Variants in ANKH observed in about 807,000 individuals in gnomAD.
ANKH encodes mineralization regulator ANKH.
Under a neutral mutation model 49.0 loss-of-function variants are expected in ANKH, and 15 were observed. The ratio of observed to expected loss-of-function variants is 0.31; its 90% CI spans 0.20 to 0.47. The LOEUF is 0.47. Among genes scored for constraint, ANKH ranks in the 20% least tolerant of loss-of-function variants. ANKH has a pLI of 1.00. For synonymous variants in ANKH, 273 were observed against 260.0 expected (o/e 1.05, Z -0.48); for missense variants, 429 against 652.0 (o/e 0.66, Z 3.72).
chr5:14,798,235 G>C, intron 1 of ANKH: 1 of 1,597,144 alleles, frequency 6.3e-7, no homozygotes, highest in Non-Finnish European at 8.5e-7. Flanking sequence ...TTCCCTTCTG[G>C]TCTGGTTACA....
At chr5:14,740,646 A>G (rs1334473315) in intron 8 of ANKH, among the ~76,000 whole-genome samples, 2 of 152,202 alleles carry the variant, frequency 1.3e-5, no homozygotes, top group Non-Finnish European at 2.9e-5. Context: ...GTGACAATCT[A>G]ATTAGGTGTT....
chr5:14,765,342 A>G (rs1739226612), intron 2 of ANKH, among the ~76,000 whole-genome samples: 1 of 152,224 alleles, frequency 6.6e-6, no homozygotes, highest in African/African-American at 2.4e-5. Flanking sequence ...ACTCTTGTCC[A>G]GTGGATCTTC....
At chr5:14,853,364 C>A (rs1742168334) in intron 1 of ANKH, among the ~76,000 whole-genome samples, 1 of 152,070 alleles carries the variant, frequency 6.6e-6, no homozygotes, top group South Asian at 2.1e-4. Flanking sequence ...TCACTTGAGC[C>A]CTGGGGCTTG....
chr5:14,842,322 C>A (rs1234140905), intron 1 of ANKH, among the ~76,000 whole-genome samples: 1 of 152,076 alleles, frequency 6.6e-6, no homozygotes, highest in African/African-American at 2.4e-5. Flanking sequence ...ATAAGCAAAC[C>A]ACATCAAAGG....
intron 1 of ANKH, among the ~76,000 whole-genome samples, chr5:14,793,023 T>TATATATATAAAAAAATATATATATAA (rs1385758620): frequency 1.1e-4 from 7 of 66,586 alleles, no homozygotes; most frequent in South Asian, 4.3e-4. Flanking sequence ...TATATATAAA[T>TATATATATAAAAAAATATATATATAA]ATATATATAT....
Position 14,843,640 on chromosome 5 carries a change from G to C in ANKH, c.96+27712C>G, listed in dbSNP as rs546084465. Among the ~76,000 whole-genome samples, 3 of 151,060 alleles carry C rather than the reference G, an allele frequency of 2.0e-5. No individual in the cohort carries two copies. In the South Asian group the frequency reaches 6.3e-4, roughly 32 times the overall value. ...AACCAGGGCAGACTAACAGACCCTG[G>C]TCAGAATATAGAACCTGAGCAAGAA... On this transcript the variant is annotated intron_variant, in intron 1 of 11. Coordinates refer to ENST00000284268, the MANE Select transcript of ANKH (RefSeq NM_054027.6).
intron 8 of ANKH, among the ~76,000 whole-genome samples, chr5:14,720,483 T>C (rs1737624559): frequency 6.6e-6 from 1 of 152,176 alleles, no homozygotes; most frequent in Non-Finnish European, 1.5e-5. Context: ...ACACTCAGCA[T>C]GGAGTTGGAA....
chr5:14,830,519 GTGTGTGTGTGTGTGTGTGTC>G (rs1232013891), intron 1 of ANKH, among the ~76,000 whole-genome samples: 1 of 151,530 alleles, frequency 6.6e-6, no homozygotes, highest in African/African-American at 2.4e-5. Flanking sequence ...GAGTGTGTGT[GTGTGTGTGTGTGTGTGTGTC>G]TGTGTGTGTG....
At chr5:14,839,823 TTG>T (rs896209879) in intron 1 of ANKH, among the ~76,000 whole-genome samples, 27 of 152,330 alleles carry the variant, frequency 1.8e-4, no homozygotes, top group African/African-American at 5.5e-4. Context: ...ACAGTATTTA[TTG>T]TGATGTGGGA....
rs770141327 is a variant in ANKH, at chr5:14,793,019, T to A, written c.97-23828A>T. On this transcript the variant is annotated intron_variant, in intron 1 of 11. Coordinates refer to ENST00000284268, the MANE Select transcript of ANKH (RefSeq NM_054027.6). ...ATATATATATATAAATATATATATA[T>A]AAATATATATATATAAAAATATATA... Among the ~76,000 whole-genome samples the A allele has an allele frequency of 1.3e-3, 101 of 79,094 alleles. 1 individual carries two copies. The highest frequency in any genetic ancestry group is 5.6e-3 in the Middle Eastern group (1 of 180). 51.9% of individuals were successfully genotyped at this position (79,094 alleles called of 152,430 possible). A position where few individuals can be genotyped will look rare whatever the true frequency, so the allele number is the denominator to read the frequency against.
rs998120192 is a variant in ANKH, at chr5:14,706,578, G to T, written c.*4619C>A. 7.2e-5 allele frequency: 11 copies of T among 152,188 alleles called. No homozygotes were observed. The highest frequency in any genetic ancestry group is 1.3e-4 in the Non-Finnish European group (9 of 68,040). 9.4% of individuals were successfully genotyped at this position (152,188 alleles called of 1,614,324 possible). A position where few individuals can be genotyped will look rare whatever the true frequency, so the allele number is the denominator to read the frequency against. On this transcript the variant is annotated 3_prime_UTR_variant, in exon 12 of 12. Coordinates refer to ENST00000284268, the MANE Select transcript of ANKH (RefSeq NM_054027.6). ...TACTATATATTTGTGACTTTTCTGA[G>T]TGGAGTTTGGGTTATTTTGATTCCA...
Position 14,710,754 on chromosome 5 carries a change from CAAAG to C in ANKH, c.*439_*442del. The C allele has an allele frequency of 5.0e-6, 1 of 198,040 alleles. No individual in the cohort carries two copies. Among genetic ancestry groups the C allele is most frequent in the Non-Finnish European group, 1.1e-5 (1 of 95,044 alleles). 12.3% of individuals were successfully genotyped at this position (198,040 alleles called of 1,614,324 possible). On this transcript the variant is annotated 3_prime_UTR_variant, in exon 12 of 12. Transcript: ENST00000284268. The stretch of plus-strand genomic sequence containing the variant: ...ACGGCCATGTGACTGGGAAGCAAAT[CAAAG>C]GAAGCCGAGTTTTAACCTGTTGATT...
At chr5:14,761,003 A>G (rs529015616) in intron 2 of ANKH, among the ~76,000 whole-genome samples, 11 of 152,318 alleles carry the variant, frequency 7.2e-5, no homozygotes, top group African/African-American at 2.4e-4. Flanking sequence ...TGGGCTCTCA[A>G]TCCAATGACT....
chr5:14,732,103 C>T (rs1368904836), intron 8 of ANKH, among the ~76,000 whole-genome samples: 3 of 152,234 alleles, frequency 2.0e-5, no homozygotes, highest in Non-Finnish European at 2.9e-5. Context: ...TTGGTCCTTA[C>T]TGGCATTTTC....
chr5:14,730,958 G>A (rs1737980026), intron 8 of ANKH, among the ~76,000 whole-genome samples: 1 of 152,214 alleles, frequency 6.6e-6, no homozygotes, highest in African/African-American at 2.4e-5. Flanking sequence ...TCTGTGCCAG[G>A]GAGAGGTTGA....
intron 1 of ANKH, among the ~76,000 whole-genome samples, chr5:14,836,027 T>C: frequency 6.6e-6 from 1 of 152,150 alleles, no homozygotes; most frequent in Admixed American, 6.5e-5. Flanking sequence ...CACATGATTA[T>C]CTCCATAGCT....
At chr5:14,814,782 A>T (rs1740982997) in intron 1 of ANKH, among the ~76,000 whole-genome samples, 1 of 152,200 alleles carries the variant, frequency 6.6e-6, no homozygotes, top group African/African-American at 2.4e-5. Context: ...CTATCTGAGG[A>T]GGGCACACTT....
intron 1 of ANKH, among the ~76,000 whole-genome samples, chr5:14,817,060 T>C (rs1003406437): frequency 1.3e-5 from 2 of 152,246 alleles, no homozygotes; most frequent in Non-Finnish European, 2.9e-5. Context: ...AATAAAGTGC[T>C]TCAATTCTTT....
chr5:14,768,885 A>G, intron 2 of ANKH, 90 bp downstream of exon 2: 1 of 1,392,254 alleles, frequency 7.2e-7, no homozygotes, highest in Non-Finnish European at 1.0e-6. Flanking sequence ...TAGTGAAGAA[A>G]CCACTTATCT....
Sources: allele counts gnomAD v4.1 joint callset (sites outside exome capture counted in the v4.1 genomes callset), GRCh38; gene constraint gnomAD v4.1.1; transcripts MANE v1.5; gene names NCBI Gene and HGNC (gene_info 2026-07-23, HGNC 2026-07-21).